Variants in INPP5J observed in about 807,000 individuals in gnomAD.
INPP5J encodes phosphatidylinositol 4,5-bisphosphate 5-phosphatase A.
In INPP5J, 75 loss-of-function variants were observed where a neutral mutation model predicts 86.6. The observed-to-expected ratio is 0.87, with a 90% CI of 0.72 to 1.05. The LOEUF is 1.05. Ranked by LOEUF, INPP5J falls within the 50% of genes least tolerant of loss-of-function variation. The pLI, the probability that INPP5J is intolerant of heterozygous loss-of-function variation, is 0.00. For missense variants in INPP5J, 1,229 were observed against 1,341.2 expected, an observed-to-expected ratio of 0.92 and a Z score of 1.31; for synonymous variants, 540 against 550.0, an observed-to-expected ratio of 0.98 and a Z score of 0.25.
chr22:31,129,371 G>A (rs1440987913), intron 9 of INPP5J, among the ~76,000 whole-genome samples: 4 of 146,482 alleles, frequency 2.7e-5, no homozygotes, highest in African/African-American at 1.0e-4. Flanking sequence ...CTCCCAAGTA[G>A]CTGGGATTAC....
In INPP5J at chr22:31,127,525, G is replaced by A. The variant is rs773427743; in HGVS notation, c.1780G>A (p.Asp594Asn). 2.3e-5 allele frequency: 37 copies of A among 1,612,566 alleles called. No homozygotes were observed. The highest frequency in any genetic ancestry group is 3.1e-5 in the Non-Finnish European group (37 of 1,179,130). Residue 594 changes from aspartate to asparagine, a missense_variant, in exon 6 of 13, where the codon GAT becomes AAT. Asp to Asn is a conservative substitution (Grantham distance 23). Transcript: ENST00000331075. ...FQGPGAQGIL[D>N]HDLVFWFGDL... ...AGGGCCGGGCGCACAGGGCATCCTG[G>A]ATCATGAGTATGGGCTGGGGTGGGG...
intron 5 of INPP5J, 97 bp from the exon 6 acceptor site, chr22:31,127,260 C>T: frequency 8.5e-7 from 1 of 1,180,862 alleles, no homozygotes; most frequent in South Asian, 1.5e-5. Flanking sequence ...TAGGACCCAC[C>T]CACCTTCCAC....
chr22:31,127,731 C>T (rs950568528), intron 6 of INPP5J, 199 bp downstream of exon 6: 28 of 681,016 alleles, frequency 4.1e-5, no homozygotes, highest in Non-Finnish European at 6.7e-5. Context: ...TGCTGAGGGG[C>T]CCCGCCTTGC....
intron 2 of INPP5J, 68 bp downstream of exon 2, chr22:31,126,078 G>C: frequency 7.3e-7 from 1 of 1,377,894 alleles, no homozygotes; most frequent in Non-Finnish European, 9.7e-7. Flanking sequence ...CTTCCAGGGT[G>C]GATGGTGTGC....
Position 31,127,343 on chromosome 22 carries a change from C to A in INPP5J, c.1612-14C>A, listed in dbSNP as rs764175940. ...TAAGCCCCGCCCATGAGCCATCCGA[C>A]CCTGCCTCCCTAGGGTAACAAGGGT... On this transcript the variant is annotated splice_polypyrimidine_tract_variant and intron_variant, in intron 5 of 12. Coordinates refer to ENST00000331075, the MANE Select transcript of INPP5J (RefSeq NM_001284285.2). 9.4e-6 allele frequency: 15 copies of A among 1,598,188 alleles called. No individual in the cohort carries two copies. The highest frequency in any genetic ancestry group is 1.1e-5 in the Non-Finnish European group (13 of 1,171,968).
intron 1 of INPP5J, 113 bp downstream of exon 1, chr22:31,123,232 C>A: frequency 1.5e-6 from 1 of 649,936 alleles, no homozygotes; most frequent in Non-Finnish European, 2.4e-6. Context: ...TGGTACTTTC[C>A]TCTGCTCAGC....
chr22:31,122,888 C>A, upstream of INPP5J: 1 of 631,452 alleles, frequency 1.6e-6, no homozygotes, highest in Non-Finnish European at 2.5e-6. Context: ...CTCTTCCAGG[C>A]TGGGAAGTGG....
chr22:31,127,197 T>C (rs1469889642), intron 5 of INPP5J, 160 bp downstream of exon 5: 1 of 770,934 alleles, frequency 1.3e-6, no homozygotes, highest in African/African-American at 1.7e-5. Flanking sequence ...TATTCCTCTA[T>C]ACCCCCGCCC....
chr22:31,131,885 C>T (rs1287793174), intron 9 of INPP5J, among the ~76,000 whole-genome samples: 2 of 152,122 alleles, frequency 1.3e-5, no homozygotes, highest in Non-Finnish European at 2.9e-5. Context: ...CAGATTGGCT[C>T]GGAAGCTGAG....
chr22:31,127,461 A>G lies in INPP5J; in HGVS notation c.1716A>G (p.Lys572=), dbSNP rs2147875769. 2 of 1,613,846 alleles carry G rather than the reference A, an allele frequency of 1.2e-6. No homozygotes were observed. The highest frequency in any genetic ancestry group is 1.7e-6 in the Non-Finnish European group (2 of 1,179,860). ...PAHMDKAEQR[K]DNFQTILSLQ... ...ATATGGACAAGGCGGAGCAGCGCAAAGACAACTTCCAGACCATCCTCAGCC... is the reference window on the plus strand; with the variant it reads ...ATATGGACAAGGCGGAGCAGCGCAAGGACAACTTCCAGACCATCCTCAGCC... The change falls in exon 6 of 13, where the codon AAA becomes AAG. Residue 572 remains lysine, a synonymous_variant. Coordinates refer to ENST00000331075, the MANE Select transcript of INPP5J (RefSeq NM_001284285.2).
At chr22:31,128,437 C>A (rs1375762995) in intron 8 of INPP5J, 34 bp from the exon 9 acceptor site, 1 of 1,609,520 alleles carries the variant, frequency 6.2e-7, no homozygotes, top group East Asian at 2.2e-5. Flanking sequence ...TGATCCCCAG[C>A]CCCTGAAACT....
chr22:31,124,356 A>ACC, intron 1 of INPP5J: 1 of 959,554 alleles, frequency 1.0e-6, no homozygotes, highest in Non-Finnish European at 1.2e-6. Context: ...AGGAAGGGAG[A>ACC]GGTATTTAAC....
intron 6 of INPP5J, 42 bp downstream of exon 6, chr22:31,127,574 A>G (rs780378901): frequency 1.5e-5 from 23 of 1,571,432 alleles, no homozygotes; most frequent in South Asian, 7.1e-5. Flanking sequence ...GGGTGGGGCT[A>G]GTGATGGGGG....
intron 3 of INPP5J, 49 bp downstream of exon 3, chr22:31,126,538 C>T (rs374481759): frequency 1.2e-5 from 19 of 1,599,050 alleles, no homozygotes; most frequent in African/African-American, 4.0e-5. Context: ...TCGGGCCTTC[C>T]GGGCCCTCCA....
chr22:31,125,566 G>A lies in INPP5J; in HGVS notation c.827G>A (p.Arg276Gln), dbSNP rs774897780. Residue 276 changes from arginine to glutamine, a missense_variant, in exon 2 of 13, where the codon CGG (arginine) becomes CAG (glutamine). Coordinates refer to ENST00000331075, the MANE Select transcript of INPP5J (RefSeq NM_001284285.2). ...TGCATCCAAACCTCCCCAGACCCTC[G>A]GCTCTCCCCCTCCTTCCGAGCCCGG... is the stretch of plus-strand genomic sequence containing the variant. ...PPCIQTSPDP[R>Q]LSPSFRARPE... 63 of 1,550,182 alleles carry A rather than the reference G, an allele frequency of 4.1e-5. No individual in the cohort carries two copies. In the African/African-American group the frequency reaches 6.6e-4, roughly 16 times the overall value.
At chr22:31,132,200 G>A (rs564900778) in intron 9 of INPP5J, among the ~76,000 whole-genome samples, 1 of 152,324 alleles carries the variant, frequency 6.6e-6, no homozygotes. Context: ...GTAACATAGC[G>A]AGTTAGCAGT....
chr22:31,128,360 G>T, intron 8 of INPP5J, 37 bp downstream of exon 8: 1 of 1,564,806 alleles, frequency 6.4e-7, no homozygotes, highest in Admixed American at 1.9e-5. Flanking sequence ...GGGGAAGTGG[G>T]CTGAGGTCTT....
rs377079595 is a variant in INPP5J at position 31,125,869 on chromosome 22, G to A, written c.1130G>A (p.Ser377Asn). 1.5e-3 allele frequency: 2,402 copies of A among 1,611,398 alleles called. 55 individuals are homozygous for A. In the South Asian group the frequency reaches 0.025, roughly 17 times the overall value. ...GCCCTCCCAAGGCTTGGCACACAGA[G>A]TACAGGGCCTGGCAGGTGCCTGAGC... ...DMALPRLGTQSTGPGRCLSPN... is the reference protein window; with the variant it reads ...DMALPRLGTQNTGPGRCLSPN... The change falls in exon 2 of 13, where the codon AGT (serine) becomes AAT (asparagine). Residue 377 changes from serine (S) to asparagine (N), a missense_variant. Ser to Asn is a conservative substitution (Grantham distance 46). Coordinates refer to ENST00000331075, the MANE Select transcript of INPP5J (RefSeq NM_001284285.2).
At chr22:31,127,906 C>A (rs201297875) in intron 6 of INPP5J, 45 bp from the exon 7 acceptor site, 3 of 1,071,264 alleles carry the variant, frequency 2.8e-6, no homozygotes, top group Non-Finnish European at 4.3e-6. Flanking sequence ...CCTGTTGACA[C>A]CCCCCACTGC....
Sources: gnomAD v4.1 joint callset for allele counts (sites outside exome capture counted in the v4.1 genomes callset) on GRCh38, gnomAD v4.1.1 for gene constraint, MANE v1.5 for transcripts, NCBI Gene and HGNC (gene_info 2026-07-23, HGNC 2026-07-21) for gene names.